RABGAP1: variants seen among roughly 807,000 people sequenced by gnomAD.
The protein encoded by RABGAP1 is rab GTPase-activating protein 1.
RABGAP1 carries 23 observed loss-of-function variants against 137.6 expected under a neutral mutation model. The ratio of observed to expected loss-of-function variants is 0.17; its 90% CI spans 0.12 to 0.24. RABGAP1 has a LOEUF of 0.24. RABGAP1 is among the 10% of genes least tolerant of loss of function. RABGAP1 has a pLI of 1.00. For missense variants in RABGAP1, 906 were observed against 1,275.8 expected (o/e 0.71, Z 4.42); for synonymous variants, 451 against 450.7 (o/e 1.00, Z -0.01).
At chr9:123,001,841 A>G (rs1837337366) in intron 10 of RABGAP1, among the ~76,000 whole-genome samples, 1 of 152,214 alleles carries the variant, frequency 6.6e-6, no homozygotes, top group Non-Finnish European at 1.5e-5. Context: ...ATTTGCTGTT[A>G]TTATTGAGAA....
chr9:122,936,306 T>C (rs953478004), upstream of RABGAP1, among the ~76,000 whole-genome samples: 2 of 152,228 alleles, frequency 1.3e-5, no homozygotes, highest in Non-Finnish European at 2.9e-5. Context: ...TTATTTACTG[T>C]TCACTTTTCT....
intron 9 of RABGAP1, among the ~76,000 whole-genome samples, chr9:122,998,200 A>G (rs954817681): frequency 2.6e-5 from 4 of 152,090 alleles, no homozygotes; most frequent in Non-Finnish European, 4.4e-5. Flanking sequence ...CCCGGGTTTA[A>G]GTGATTCTCC....
At chr9:122,968,218 A>AC (rs1835277027) in intron 2 of RABGAP1, among the ~76,000 whole-genome samples, 1 of 133,580 alleles carries the variant, frequency 7.5e-6, no homozygotes, top group Non-Finnish European at 1.6e-5. Context: ...ATTCAATTCT[A>AC]CCTTTTTTTT....
At chr9:123,000,146 C>T (rs1348076870) in intron 10 of RABGAP1, among the ~76,000 whole-genome samples, 1 of 152,034 alleles carries the variant, frequency 6.6e-6, no homozygotes, top group Non-Finnish European at 1.5e-5. Context: ...TATGATGATG[C>T]ACATTTTTGT....
chr9:122,991,251 T>A (rs910644762), intron 6 of RABGAP1, among the ~76,000 whole-genome samples: 1 of 152,110 alleles, frequency 6.6e-6, no homozygotes, highest in African/African-American at 2.4e-5. Context: ...AATTTTATGG[T>A]TGCAAGATGA....
intron 10 of RABGAP1, among the ~76,000 whole-genome samples, chr9:123,006,960 C>T (rs1191900479): frequency 6.6e-6 from 1 of 151,966 alleles, no homozygotes; most frequent in Non-Finnish European, 1.5e-5. Flanking sequence ...ACCTTCCCTC[C>T]TCAAATACTC....
At chr9:123,053,273 A>G (rs1291222599) in intron 13 of RABGAP1, among the ~76,000 whole-genome samples, 1 of 152,172 alleles carries the variant, frequency 6.6e-6, no homozygotes, top group East Asian at 1.9e-4. Flanking sequence ...ACCCAGACAT[A>G]AGACATCTGT....
At chr9:123,069,823 G>T (rs1421807892) in intron 14 of RABGAP1, among the ~76,000 whole-genome samples, 2 of 152,124 alleles carry the variant, frequency 1.3e-5, no homozygotes, top group Non-Finnish European at 2.9e-5. Context: ...GGTTGACGCT[G>T]CAGTGAGCCA....
chr9:122,995,222 TAAC>T (rs112301061), intron 6 of RABGAP1, among the ~76,000 whole-genome samples: 3 of 152,240 alleles, frequency 2.0e-5, no homozygotes, highest in African/African-American at 7.2e-5. Context: ...ATAATAAAGT[TAAC>T]AGTGCTTAAG....
chr9:122,980,487 CAAG>C (rs939855329), intron 2 of RABGAP1, among the ~76,000 whole-genome samples: 2 of 152,100 alleles, frequency 1.3e-5, no homozygotes, highest in Admixed American at 6.6e-5. Context: ...TGTTCCAAGT[CAAG>C]AAGAAGAGAG....
intron 13 of RABGAP1, among the ~76,000 whole-genome samples, chr9:123,060,079 A>G (rs2132100884): frequency 1.3e-5 from 2 of 152,350 alleles, no homozygotes; most frequent in Middle Eastern, 6.8e-3. Flanking sequence ...GCCATTCACA[A>G]GAATAGAGAA....
chr9:123,009,361 A>G (rs749886702), intron 10 of RABGAP1, among the ~76,000 whole-genome samples: 1 of 152,220 alleles, frequency 6.6e-6, no homozygotes, highest in Non-Finnish European at 1.5e-5. Context: ...TAAGAACCCA[A>G]ATGAACATTG....
intron 2 of RABGAP1, among the ~76,000 whole-genome samples, chr9:122,959,705 A>G (rs1364206720): frequency 6.6e-6 from 1 of 152,214 alleles, no homozygotes; most frequent in East Asian, 1.9e-4. Context: ...GCAGTGAAGA[A>G]GACAAGAATC....
chr9:122,966,749 C>A (rs1228938076), intron 2 of RABGAP1, among the ~76,000 whole-genome samples: 1 of 152,118 alleles, frequency 6.6e-6, no homozygotes, highest in Non-Finnish European at 1.5e-5. Context: ...AAAGACGCAC[C>A]TGAGACTGGG....
chr9:123,060,456 C>A (rs2033924687), intron 13 of RABGAP1, among the ~76,000 whole-genome samples: 1 of 152,098 alleles, frequency 6.6e-6, no homozygotes, highest in African/African-American at 2.4e-5. Flanking sequence ...ATCACTTTTT[C>A]TGTAGATGGA....
intron 10 of RABGAP1, among the ~76,000 whole-genome samples, chr9:123,008,623 T>C (rs895667388): frequency 2.6e-5 from 4 of 152,072 alleles, no homozygotes; most frequent in African/African-American, 9.7e-5. Context: ...CAAAGAGCAA[T>C]TTATAACAAA....
At chr9:123,073,450 CA>C in intron 15 of RABGAP1, 101 bp from the exon 16 acceptor site, 1 of 1,420,838 alleles carries the variant, frequency 7.0e-7, no homozygotes, top group South Asian at 1.4e-5. Flanking sequence ...TCTGGTAAGG[CA>C]ATAATATAAA....
intron 13 of RABGAP1, among the ~76,000 whole-genome samples, chr9:123,050,253 A>G (rs2033396049): frequency 6.6e-6 from 1 of 152,236 alleles, no homozygotes; most frequent in African/African-American, 2.4e-5. Flanking sequence ...ACAATATGTC[A>G]TGTATTTAAA....
intron 1 of RABGAP1, among the ~76,000 whole-genome samples, chr9:122,947,252 G>T (rs1833994021): frequency 6.6e-6 from 1 of 152,168 alleles, no homozygotes; most frequent in Non-Finnish European, 1.5e-5. Context: ...GATAAATATT[G>T]TGTAATTCCA....
Sources: gnomAD v4.1 joint callset for allele counts (sites outside exome capture counted in the v4.1 genomes callset) on GRCh38, gnomAD v4.1.1 for gene constraint, MANE v1.5 for transcripts, NCBI Gene and HGNC (gene_info 2026-07-23, HGNC 2026-07-21) for gene names.